The following DNM1 variants were observed in gnomAD, a reference collection of about 807,000 sequenced individuals.
DNM1 encodes the protein dynamin-1.
DNM1 carries 29 observed loss-of-function variants against 104.6 expected under a neutral mutation model. That is an observed-to-expected ratio of 0.28 (90% CI 0.21 to 0.38). The LOEUF (loss-of-function observed/expected upper bound fraction) is 0.38. Ranked by LOEUF, DNM1 falls within the 10% of genes least tolerant of loss-of-function variation. The pLI is 1.00. For missense variants in DNM1, 640 were observed against 1,189.4 expected (o/e 0.54, Z 6.79); for synonymous variants, 445 against 475.8 (o/e 0.94, Z 0.84).
chr9:128,250,685 A>C, intron 20 of DNM1, 40 bp from the exon 21 acceptor site: 1 of 1,429,506 alleles, frequency 7.0e-7, no homozygotes, highest in Non-Finnish European at 9.2e-7. Flanking sequence ...GGAGCTGCTC[A>C]TCTCGCCTCT....
rs61020870 is a variant in DNM1 at position 128,220,742 on chromosome 9, C to CGCGCGCGCGCGCGT, written c.849+402_849+403insCGCGCGCGCGCGTG. Among the ~76,000 whole-genome samples, 7 of 136,278 alleles carry CGCGCGCGCGCGCGT rather than the reference C, an allele frequency of 5.1e-5. No homozygotes were observed. The East Asian group carries it at 7.8e-4, about 15-fold the overall frequency. The allele number at this position is 136,278 out of a possible 152,430, so 89.4% of individuals were successfully genotyped here. On this transcript the variant is annotated intron_variant, in intron 6 of 21. Coordinates refer to ENST00000372923, the MANE Select transcript of DNM1 (RefSeq NM_004408.4). The surrounding 1 kb of genome is among the most constrained non-coding windows in gnomAD (Gnocchi z 5.2). Reference sequence around the variant, plus strand: ...CAGAACTGAAGTGCGCGCGCGCGCGCGTGTGTGTGTGTGTGTGTGTGTGTG... The same window carrying CGCGCGCGCGCGCGT: ...CAGAACTGAAGTGCGCGCGCGCGCGCGCGCGCGCGCGCGTGTGTGTGTGTGTGTGTGTGTGTGTG...
chr9:128,222,634 CT>C lies in DNM1; in HGVS notation c.1128+39del. 1 of 1,611,882 alleles carries C rather than the reference CT, an allele frequency of 6.2e-7. No homozygotes were observed. On this transcript the variant is annotated intron_variant, in intron 8 of 21. Coordinates refer to ENST00000372923, the MANE Select transcript of DNM1 (RefSeq NM_004408.4). This position sits in a 1 kb window ranked among gnomAD's most constrained non-coding sequence, Gnocchi z 7.8. ...GCCCTGGGGACAGGATGGCTCAGGA[CT>C]CCCCCCACCCTCACTCAGGACTCTC...
rs1478430579 is a variant in DNM1, at chr9:128,218,873, ATTCCGCCCAC to A, written c.385+148_385+157del. On this transcript the variant is annotated intron_variant, in intron 3 of 21. Coordinates refer to ENST00000372923, the MANE Select transcript of DNM1 (RefSeq NM_004408.4). The surrounding 1 kb of genome is among the most constrained non-coding windows in gnomAD (Gnocchi z 4.8). ...CTATTCCAAGCTCCACCCTGCCGTG[ATTCCGCCCAC>A]TTCCGGCCACGCCTCCAACAGACTG... 1.8e-5 allele frequency: 24 copies of A among 1,340,518 alleles called. No homozygotes were observed. Among genetic ancestry groups the A allele is most frequent in the Non-Finnish European group, 2.3e-5 (23 of 995,198 alleles). 83.0% of individuals were successfully genotyped at this position (1,340,518 alleles called of 1,614,324 possible).
chr9:128,222,071 C>A lies in DNM1; in HGVS notation c.850-126C>A. On this transcript the variant is annotated intron_variant, in intron 6 of 21. Coordinates refer to ENST00000372923, the MANE Select transcript of DNM1 (RefSeq NM_004408.4). This position sits in a 1 kb window ranked among gnomAD's most constrained non-coding sequence, Gnocchi z 7.8. ...CCAGTTTTCTTGCTAGTGGCCCGGG[C>A]AGCAGTGGCAGGGCTGCCCTCCATA... 1.7e-6 allele frequency: 2 copies of A among 1,159,652 alleles called. No homozygotes were observed. The highest frequency in any genetic ancestry group is 1.7e-5 in the South Asian group (1 of 59,496). The allele number at this position is 1,159,652 out of a possible 1,614,324, so 71.8% of individuals were successfully genotyped here.
intron 10 of DNM1, chr9:128,232,059 A>C (rs1835724413): frequency 2.2e-6 from 1 of 456,330 alleles, no homozygotes; most frequent in Admixed American, 2.4e-5. Context: ...AGAACTTCTC[A>C]AAGGGGTGGA....
chr9:128,222,840 C>T lies in DNM1; in HGVS notation c.1176C>T (p.Ile392=), dbSNP rs760314213. 1.9e-5 allele frequency: 30 copies of T among 1,614,080 alleles called. No individual in the cohort carries two copies. Among genetic ancestry groups the T allele is most frequent in the Middle Eastern group, 3.3e-4 (2 of 6,062 alleles). ...TCCGAAGGGAGATCAGCTATGCTAT[C>T]AAGAATATCCATGGCATTAGGCACG... ...KELRREISYA[I]KNIHGIRTGL... Residue 392 remains isoleucine, a synonymous_variant, in exon 9 of 22, where the codon ATC becomes ATT. Coordinates refer to ENST00000372923, the MANE Select transcript of DNM1 (RefSeq NM_004408.4). The surrounding 1 kb of genome is among the most constrained non-coding windows in gnomAD (Gnocchi z 7.8).
intron 11 of DNM1, among the ~76,000 whole-genome samples, chr9:128,237,640 G>C (rs181856801): frequency 3.7e-4 from 56 of 152,304 alleles, no homozygotes; most frequent in African/African-American, 1.3e-3. Context: ...TTCACCCTCA[G>C]ATGGCCACTG....
At position 128,218,454 on chromosome 9, in the gene DNM1, G is replaced by T; in HGVS notation, c.236-128G>T. The T allele has an allele frequency of 1.4e-6, 2 of 1,392,038 alleles. No homozygotes were observed. The highest frequency in any genetic ancestry group is 2.0e-6 in the Non-Finnish European group (2 of 987,912). 86.2% of individuals were successfully genotyped at this position (1,392,038 alleles called of 1,614,324 possible). A position where few individuals can be genotyped will look rare whatever the true frequency, so the allele number is the denominator to read the frequency against. On this transcript the variant is annotated intron_variant, in intron 2 of 21. Coordinates refer to ENST00000372923, the MANE Select transcript of DNM1 (RefSeq NM_004408.4). The surrounding 1 kb of genome is among the most constrained non-coding windows in gnomAD (Gnocchi z 4.8). ...GATAGCGGGGATCAAAATACATAAT[G>T]GAGACGTGGGTGGTGGTTCTGCTTG...
Position 128,233,098 on chromosome 9 carries a change from G to T in DNM1, c.1336-923G>T, listed in dbSNP as rs10987940. ...GTGAATCACCTGGGCTGTGCCCAGAGCCCGACTGAGCTGAGGGCACGATTC... is the reference window on the plus strand; with the variant it reads ...GTGAATCACCTGGGCTGTGCCCAGATCCCGACTGAGCTGAGGGCACGATTC... On this transcript the variant is annotated intron_variant, in intron 10 of 21. Coordinates refer to ENST00000372923, the MANE Select transcript of DNM1 (RefSeq NM_004408.4). 2.7e-3 allele frequency among the ~76,000 whole-genome samples: 411 copies of T among 152,362 alleles called. 8 individuals are homozygous for T. The East Asian group carries it at 0.064, about 24-fold the overall frequency.
Position 128,248,531 on chromosome 9 carries a change from G to T in DNM1, c.1906-52G>T, listed in dbSNP as rs1356858989. On this transcript the variant is annotated intron_variant, in intron 18 of 21. Coordinates refer to ENST00000372923, the MANE Select transcript of DNM1 (RefSeq NM_004408.4). The surrounding 1 kb of genome is among the most constrained non-coding windows in gnomAD (Gnocchi z 5.6). ...GGGGCTGAGATCCTGGGGATGCCTG[G>T]AGCCTGGCTGCATGGCCTGGCCACC... 1 of 1,591,758 alleles carries T rather than the reference G, an allele frequency of 6.3e-7. No individual in the cohort carries two copies. Among genetic ancestry groups the T allele is most frequent in the Non-Finnish European group, 8.6e-7 (1 of 1,164,366 alleles).
intron 13 of DNM1, 100 bp from the exon 14 acceptor site, chr9:128,239,885 A>T: frequency 6.4e-7 from 1 of 1,571,994 alleles, no homozygotes. Flanking sequence ...GGGGCCAGGG[A>T]CCTGTCAGCT....
intron 21 of DNM1, chr9:128,251,990 C>G (rs1348626062): frequency 5.9e-6 from 1 of 168,458 alleles, no homozygotes; most frequent in Non-Finnish European, 1.3e-5. Flanking sequence ...ATGACCAAAG[C>G]AGATGCGTAG....
chr9:128,218,726 C>T lies in DNM1; in HGVS notation c.380C>T (p.Pro127Leu). Reference sequence around the variant, plus strand: ...CCTATCAACCTCCGCGTCTACTCGCCGCACGGTGAGGACCCTGGCCCCGCC... The same window carrying T: ...CCTATCAACCTCCGCGTCTACTCGCTGCACGGTGAGGACCCTGGCCCCGCC... ...PVPINLRVYSPHVLNLTLVDL... is the reference protein window; with the variant it reads ...PVPINLRVYSLHVLNLTLVDL... Residue 127 changes from proline (P) to leucine (L), a missense_variant, in exon 3 of 22, where the codon CCG becomes CTG. Pro to Leu is a moderately conservative substitution (Grantham distance 98). Coordinates refer to ENST00000372923, the MANE Select transcript of DNM1 (RefSeq NM_004408.4). The surrounding 1 kb of genome is among the most constrained non-coding windows in gnomAD (Gnocchi z 4.8). The T allele has an allele frequency of 1.2e-6, 2 of 1,601,206 alleles. No individual in the cohort carries two copies. Among genetic ancestry groups the T allele is most frequent in the South Asian group, 1.1e-5 (1 of 90,458 alleles).
At chr9:128,226,019 T>C in intron 10 of DNM1, 3 of 1,611,444 alleles carry the variant, frequency 1.9e-6, no homozygotes, top group Non-Finnish European at 2.5e-6. Context: ...TGTCCCCACC[T>C]CCTCCCCGGG....
intron 14 of DNM1, among the ~76,000 whole-genome samples, chr9:128,241,484 C>T (rs572167029): frequency 1.8e-4 from 27 of 152,244 alleles, no homozygotes; most frequent in African/African-American, 4.8e-4. Flanking sequence ...CCCTTAGAAC[C>T]GTACTATCAT....
intron 4 of DNM1, 40 bp downstream of exon 4, chr9:128,219,292 C>T (rs776111480): frequency 2.0e-5 from 31 of 1,554,768 alleles, no homozygotes; most frequent in African/African-American, 2.7e-5. Context: ...AAACCCCAGG[C>T]TTGCAGGCTG....
At chr9:128,205,060 G>A (rs764958018) in intron 1 of DNM1, among the ~76,000 whole-genome samples, 11 of 152,238 alleles carry the variant, frequency 7.2e-5, no homozygotes, top group Non-Finnish European at 1.0e-4. Flanking sequence ...CCGTGGGGGC[G>A]GCCGTGCCCA....
At chr9:128,225,738 T>A (rs1374248500) in intron 10 of DNM1, among the ~76,000 whole-genome samples, 2 of 151,576 alleles carry the variant, frequency 1.3e-5, no homozygotes, top group Admixed American at 6.6e-5. Context: ...TCAATAGGGG[T>A]CTTGTACGGA....
At position 128,220,491 on chromosome 9, in the gene DNM1, G is replaced by A; in HGVS notation, c.849+150G>A. 1.0e-6 allele frequency: 1 copy of A among 999,784 alleles called. No homozygotes were observed. Among genetic ancestry groups the A allele is most frequent in the East Asian group, 2.6e-5 (1 of 38,118 alleles). The allele number at this position is 999,784 out of a possible 1,614,324, so 61.9% of individuals were successfully genotyped here. A position where few individuals can be genotyped will look rare whatever the true frequency, so the allele number is the denominator to read the frequency against. ...AGAAAAGCAAAGCAACTTGCCCACA[G>A]CCCCACAGCTAGGTAGCAGCAAAGC... On this transcript the variant is annotated intron_variant, in intron 6 of 21. Coordinates refer to ENST00000372923, the MANE Select transcript of DNM1 (RefSeq NM_004408.4). The surrounding 1 kb of genome is among the most constrained non-coding windows in gnomAD (Gnocchi z 5.2).
Sources: gnomAD v4.1 joint callset for allele counts (sites outside exome capture counted in the v4.1 genomes callset) on GRCh38, gnomAD v4.1.1 for gene constraint, Gnocchi (gnomAD v3.1) non-coding constraint, MANE v1.5 for transcripts, NCBI Gene and HGNC (gene_info 2026-07-23, HGNC 2026-07-21) for gene names.